The following SEMA3A variants were observed in gnomAD, a reference collection of about 807,000 sequenced individuals.
SEMA3A encodes semaphorin 3A.
In SEMA3A, 29 loss-of-function variants were observed where a neutral mutation model predicts 97.9. The observed-to-expected ratio is 0.30, with a 90% CI of 0.22 to 0.40. The LOEUF (loss-of-function observed/expected upper bound fraction) is 0.40. Among genes scored for constraint, SEMA3A ranks in the 10% least tolerant of loss-of-function variants. SEMA3A has a pLI of 1.00. For missense variants in SEMA3A, 763 were observed against 951.3 expected (o/e 0.80, Z 2.60); for synonymous variants, 321 against 323.7 (o/e 0.99, Z 0.09).
chr7:84,418,956 T>TAC (rs71524605), intron 1 of SEMA3A, among the ~76,000 whole-genome samples: 4 of 151,762 alleles, frequency 2.6e-5, no homozygotes, highest in Non-Finnish European at 4.4e-5. Flanking sequence ...CATATATATA[T>TAC]ACACACACAC....
chr7:84,388,531 A>G (rs1422357238), intron 1 of SEMA3A, among the ~76,000 whole-genome samples: 2 of 151,966 alleles, frequency 1.3e-5, no homozygotes, highest in Non-Finnish European at 2.9e-5. Flanking sequence ...CTTGACTTGC[A>G]TATACTTTCT....
chr7:84,036,978 G>A (rs1284302351), intron 6 of SEMA3A, among the ~76,000 whole-genome samples: 1 of 152,020 alleles, frequency 6.6e-6, no homozygotes, highest in Non-Finnish European at 1.5e-5. Flanking sequence ...ATTTATTTCA[G>A]TTTGTTGATG....
chr7:84,467,256 C>T (rs947729797), intron 1 of SEMA3A, among the ~76,000 whole-genome samples: 2 of 152,094 alleles, frequency 1.3e-5, no homozygotes, highest in African/African-American at 4.8e-5. Flanking sequence ...GGCGCAGTGC[C>T]TCATGCCTGT....
chr7:84,261,008 C>T (rs574575795), intron 3 of SEMA3A, among the ~76,000 whole-genome samples: 3 of 152,152 alleles, frequency 2.0e-5, no homozygotes, highest in Non-Finnish European at 4.4e-5. Flanking sequence ...TGCATTTCCT[C>T]CCTTTTGAAG....
chr7:84,199,585 G>A (rs1798307770), upstream of SEMA3A, among the ~76,000 whole-genome samples: 2 of 151,536 alleles, frequency 1.3e-5, no homozygotes, highest in South Asian at 4.2e-4. Flanking sequence ...TTTCTTCAAG[G>A]AACGCTTCAT....
Position 84,298,905 on chromosome 7 carries a change from G to A in SEMA3A, c.-83+8302C>T, listed in dbSNP as rs76544964. Among the ~76,000 whole-genome samples the A allele has an allele frequency of 9.7e-3, 1,471 of 152,190 alleles. 19 individuals are homozygous for A. The highest frequency in any genetic ancestry group is 0.034 in the African/African-American group (1,402 of 41,496). ...AACTAGAATAAAGCAGGCAGGAGACGATGGAAGAGGAGACTTGGTGAGTCT... is the reference window on the plus strand; with the variant it reads ...AACTAGAATAAAGCAGGCAGGAGACAATGGAAGAGGAGACTTGGTGAGTCT... On this transcript the variant is annotated intron_variant, in intron 3 of 3. Coordinates refer to the SEMA3A transcript ENST00000424555.
At chr7:84,284,285 C>T (rs550744114) in intron 3 of SEMA3A, among the ~76,000 whole-genome samples, 2 of 152,230 alleles carry the variant, frequency 1.3e-5, no homozygotes, top group South Asian at 2.1e-4. Context: ...AAAGGGACTA[C>T]CTACTAAAGG....
intron 1 of SEMA3A, among the ~76,000 whole-genome samples, chr7:84,479,648 G>A (rs1584354108): frequency 6.6e-6 from 1 of 151,960 alleles, no homozygotes; most frequent in East Asian, 1.9e-4. Context: ...AATCGGGAAG[G>A]ATATTTAAAA....
chr7:84,114,490 G>A (rs1795365684), intron 3 of SEMA3A, among the ~76,000 whole-genome samples: 1 of 152,146 alleles, frequency 6.6e-6, no homozygotes, highest in African/African-American at 2.4e-5. Context: ...TCGATAGTTT[G>A]TGTAGAAATA....
intron 11 of SEMA3A, 53 bp downstream of exon 11, chr7:84,005,282 TAATC>T: frequency 1.6e-6 from 2 of 1,238,986 alleles, no homozygotes; most frequent in Middle Eastern, 1.9e-4. Context: ...AAGATCAACT[TAATC>T]AGTTAAACAT....
At chr7:84,451,637 A>C (rs1459546233) in intron 1 of SEMA3A, among the ~76,000 whole-genome samples, 1 of 152,184 alleles carries the variant, frequency 6.6e-6, no homozygotes, top group Non-Finnish European at 1.5e-5. Flanking sequence ...ACAAACTTTG[A>C]AATCCAGAAC....
At chr7:84,083,567 C>CT (rs1271118916) in intron 4 of SEMA3A, among the ~76,000 whole-genome samples, 1 of 151,928 alleles carries the variant, frequency 6.6e-6, no homozygotes, top group African/African-American at 2.4e-5. Context: ...ATTTAATTGT[C>CT]TTTTTGTTCC....
At chr7:84,084,895 C>G (rs1045206595) in intron 4 of SEMA3A, among the ~76,000 whole-genome samples, 5 of 151,992 alleles carry the variant, frequency 3.3e-5, no homozygotes, top group Admixed American at 6.6e-5. Flanking sequence ...TTTGAAGACA[C>G]TGAAATATTG....
At chr7:84,329,038 G>C (rs982470166) in intron 2 of SEMA3A, among the ~76,000 whole-genome samples, 3 of 151,706 alleles carry the variant, frequency 2.0e-5, no homozygotes, top group African/African-American at 7.3e-5. Flanking sequence ...TTAAACATAG[G>C]TATACATGTG....
rs572308935 is a variant in SEMA3A, at chr7:84,354,184, G to A, written c.-169+17640C>T. Among the ~76,000 whole-genome samples, 6 of 151,408 alleles carry A rather than the reference G, an allele frequency of 4.0e-5. No homozygotes were observed. The East Asian group carries it at 9.7e-4, about 25-fold the overall frequency. ...TGGACATTAAGAGATATACTAAAAA[G>A]AATTGACAATGTATTTCCCTCAGTA... On this transcript the variant is annotated intron_variant, in intron 2 of 3. Transcript: ENST00000424555.
chr7:84,043,030 G>A (rs1256585931), intron 6 of SEMA3A, among the ~76,000 whole-genome samples: 1 of 151,818 alleles, frequency 6.6e-6, no homozygotes, highest in African/African-American at 2.4e-5. Context: ...AATACTGAGA[G>A]AATTTATGTA....
At chr7:84,156,926 T>G (rs1225199782) in intron 1 of SEMA3A, among the ~76,000 whole-genome samples, 1 of 152,142 alleles carries the variant, frequency 6.6e-6, no homozygotes, top group Non-Finnish European at 1.5e-5. Context: ...TCACCTGCAA[T>G]ATCATGGCCA....
chr7:84,456,144 T>G (rs1805677421), intron 1 of SEMA3A, among the ~76,000 whole-genome samples: 1 of 151,846 alleles, frequency 6.6e-6, no homozygotes, highest in Admixed American at 6.6e-5. Flanking sequence ...CTTCACAACT[T>G]AAGATCTCCT....
At chr7:84,091,197 AAAGAAAG>A (rs1794578495) in intron 4 of SEMA3A, among the ~76,000 whole-genome samples, 1 of 78,900 alleles carries the variant, frequency 1.3e-5, no homozygotes, top group Non-Finnish European at 2.7e-5. Context: ...AGAAAGAAAG[AAAGAAAG>A]AAAGAAAGAA....
Sources: allele counts gnomAD v4.1 joint callset (sites outside exome capture counted in the v4.1 genomes callset), GRCh38; gene constraint gnomAD v4.1.1; transcripts MANE v1.5; gene names NCBI Gene and HGNC (gene_info 2026-07-23, HGNC 2026-07-21).